The following GPC5 variants were observed in gnomAD, a reference collection of about 807,000 sequenced individuals.
The protein encoded by GPC5 is glypican-5.
GPC5 carries 47 observed loss-of-function variants against 53.9 expected under a neutral mutation model. The observed-to-expected ratio is 0.87, with a 90% CI of 0.69 to 1.11. The LOEUF (loss-of-function observed/expected upper bound fraction) is 1.11, where lower values mean the gene tolerates loss of function less well. Ranked by LOEUF, GPC5 falls within the 50% of genes most tolerant of loss-of-function variation. The probability of loss-of-function intolerance (pLI) is 0.00; values close to 1 mark genes in which losing one functional copy is unlikely to be tolerated. For synonymous variants in GPC5, 286 were observed against 263.3 expected, an observed-to-expected ratio of 1.09 and a Z score of -0.84; for missense variants, 748 against 713.1, an observed-to-expected ratio of 1.05 and a Z score of -0.56.
At chr13:92,283,700 C>A (rs1020678371) in intron 7 of GPC5, among the ~76,000 whole-genome samples, 43 of 152,146 alleles carry the variant, frequency 2.8e-4, no homozygotes, top group Non-Finnish European at 5.9e-4. Context: ...CCAATGAGAA[C>A]AAAGACACAA....
intron 7 of GPC5, among the ~76,000 whole-genome samples, chr13:92,422,436 C>A (rs1876606913): frequency 6.6e-6 from 1 of 151,160 alleles, no homozygotes; most frequent in Non-Finnish European, 1.5e-5. Context: ...CTACAGTGAC[C>A]TGCACCCTCA....
chr13:91,869,867 C>T, intron 5 of GPC5, among the ~76,000 whole-genome samples: 1 of 152,080 alleles, frequency 6.6e-6, no homozygotes, highest in Middle Eastern at 3.2e-3. Context: ...AAGTGCTACA[C>T]ACTTAAACAA....
At chr13:92,796,640 C>T (rs1876695957) in intron 7 of GPC5, among the ~76,000 whole-genome samples, 1 of 151,908 alleles carries the variant, frequency 6.6e-6, no homozygotes, top group African/African-American at 2.4e-5. Context: ...TTACCATCCA[C>T]CTTATTCAAA....
intron 7 of GPC5, among the ~76,000 whole-genome samples, chr13:92,494,659 AG>A (rs1209013289): frequency 6.6e-6 from 1 of 152,144 alleles, no homozygotes; most frequent in Non-Finnish European, 1.5e-5. Flanking sequence ...ATATTGCATT[AG>A]TTTATTTTTA....
rs984742359 is a variant in GPC5 at position 92,046,446 on chromosome 13, T to C, written c.1402-98384T>C. 8.5e-5 allele frequency among the ~76,000 whole-genome samples: 13 copies of C among 152,328 alleles called. No individual in the cohort carries two copies. The East Asian group carries it at 2.5e-3, about 29-fold the overall frequency. On this transcript the variant is annotated intron_variant, in intron 6 of 7. Coordinates refer to ENST00000377067, the MANE Select transcript of GPC5 (RefSeq NM_004466.6). ...CTCAGAAGCATGTTAGGAGTTTCAA[T>C]TGGATACTATATGAAGTTTTATAAT...
At chr13:91,532,963 T>C (rs1464382121) in intron 2 of GPC5, among the ~76,000 whole-genome samples, 2 of 152,188 alleles carry the variant, frequency 1.3e-5, no homozygotes, top group Non-Finnish European at 2.9e-5. Flanking sequence ...CAGTTCTCAT[T>C]GTAAATTCAG....
At chr13:91,815,728 T>G (rs2038389403) in intron 5 of GPC5, among the ~76,000 whole-genome samples, 1 of 152,254 alleles carries the variant, frequency 6.6e-6, no homozygotes, top group South Asian at 2.1e-4. Flanking sequence ...ACAGTGCTTC[T>G]GTCTAGATCT....
At chr13:92,503,842 A>G (rs1018860262) in intron 7 of GPC5, among the ~76,000 whole-genome samples, 3 of 151,938 alleles carry the variant, frequency 2.0e-5, no homozygotes, top group African/African-American at 7.2e-5. Flanking sequence ...CATCATGTTC[A>G]TATAACTATT....
intron 2 of GPC5, among the ~76,000 whole-genome samples, chr13:91,454,021 G>A (rs1022298115): frequency 3.3e-5 from 5 of 152,066 alleles, no homozygotes; most frequent in Non-Finnish European, 7.4e-5. Context: ...GTGGCATGCT[G>A]AATGGGATTG....
At chr13:91,912,784 A>G (rs1411724616) in intron 6 of GPC5, among the ~76,000 whole-genome samples, 1 of 152,168 alleles carries the variant, frequency 6.6e-6, no homozygotes, top group East Asian at 1.9e-4. Flanking sequence ...TAGACGTAAA[A>G]TATTTTTGGC....
At chr13:92,451,800 G>A (rs972806675) in intron 7 of GPC5, among the ~76,000 whole-genome samples, 1 of 152,150 alleles carries the variant, frequency 6.6e-6, no homozygotes, top group African/African-American at 2.4e-5. Flanking sequence ...CAAAGGTTGG[G>A]TCAGAAGAAA....
intron 7 of GPC5, among the ~76,000 whole-genome samples, chr13:92,149,634 A>ACTAG (rs2041893088): frequency 6.6e-6 from 1 of 152,018 alleles, no homozygotes; most frequent in Non-Finnish European, 1.5e-5. Flanking sequence ...ATTACACTTT[A>ACTAG]CTAGCCGCTG....
intron 5 of GPC5, among the ~76,000 whole-genome samples, chr13:91,901,215 A>C (rs1345237657): frequency 6.6e-6 from 1 of 152,086 alleles, no homozygotes; most frequent in Non-Finnish European, 1.5e-5. Flanking sequence ...CTTCATTATT[A>C]AGTTTAAAAA....
At chr13:91,971,076 G>T (rs895702697) in intron 6 of GPC5, among the ~76,000 whole-genome samples, 1 of 152,142 alleles carries the variant, frequency 6.6e-6, no homozygotes, top group Non-Finnish European at 1.5e-5. Flanking sequence ...GTAGAATTTG[G>T]CTATGAATCC....
chr13:92,110,162 A>G (rs2041545726), intron 6 of GPC5, among the ~76,000 whole-genome samples: 1 of 152,138 alleles, frequency 6.6e-6, no homozygotes, highest in South Asian at 2.1e-4. Context: ...AAGAATAGGG[A>G]AAAACACAGG....
chr13:91,943,892 T>A (rs2039950842), intron 6 of GPC5, among the ~76,000 whole-genome samples: 1 of 151,858 alleles, frequency 6.6e-6, no homozygotes, highest in South Asian at 2.1e-4. Flanking sequence ...AAAAAAAAGA[T>A]GGATTTCTGG....
chr13:91,666,870 A>AT (rs893844485), intron 2 of GPC5, among the ~76,000 whole-genome samples: 5 of 152,072 alleles, frequency 3.3e-5, no homozygotes, highest in African/African-American at 1.2e-4. Flanking sequence ...GCCTTTTGGA[A>AT]TTTTTTAGGT....
intron 2 of GPC5, among the ~76,000 whole-genome samples, chr13:91,456,025 C>T (rs1881519302): frequency 6.6e-6 from 1 of 152,114 alleles, no homozygotes; most frequent in Non-Finnish European, 1.5e-5. Context: ...CCATTCTCAG[C>T]TCATTCTCTC....
chr13:92,365,297 T>C (rs898122125), intron 7 of GPC5, among the ~76,000 whole-genome samples: 1 of 151,704 alleles, frequency 6.6e-6, no homozygotes, highest in African/African-American at 2.4e-5. Flanking sequence ...TAAACATAGT[T>C]AAACATAGAA....
Sources: gnomAD v4.1 joint callset for allele counts (sites outside exome capture counted in the v4.1 genomes callset) on GRCh38, gnomAD v4.1.1 for gene constraint, MANE v1.5 for transcripts, NCBI Gene and HGNC (gene_info 2026-07-23, HGNC 2026-07-21) for gene names.